PDE1A: variants seen among roughly 807,000 people sequenced by gnomAD.
PDE1A encodes dual specificity calcium/calmodulin-dependent 3',5'-cyclic nucleotide phosphodiesterase 1A.
PDE1A carries 35 observed loss-of-function variants against 61.7 expected under a neutral mutation model. That is an observed-to-expected ratio of 0.57 (90% CI 0.43 to 0.75). The LOEUF (loss-of-function observed/expected upper bound fraction) is 0.75, where lower values mean the gene tolerates loss of function less well. Among genes scored for constraint, PDE1A ranks in the 30% least tolerant of loss-of-function variants. The pLI, the probability that PDE1A is intolerant of heterozygous loss-of-function variation, is 0.00. For synonymous variants in PDE1A, 232 were observed against 213.2 expected (o/e 1.09, Z -0.77); for missense variants, 597 against 630.6 (o/e 0.95, Z 0.57).
chr2:182,303,617 A>T (rs911848862), intron 1 of PDE1A, among the ~76,000 whole-genome samples: 5 of 152,188 alleles, frequency 3.3e-5, no homozygotes, highest in African/African-American at 4.8e-5. Context: ...CACCAGCTGC[A>T]TTAGCCCCTA....
intron 1 of PDE1A, among the ~76,000 whole-genome samples, chr2:182,326,413 T>C (rs1034693552): frequency 1.4e-4 from 21 of 152,194 alleles, no homozygotes; most frequent in Non-Finnish European, 1.2e-4. Flanking sequence ...TGGTATATGT[T>C]ACAACATAGA....
the PDE1A span, among the ~76,000 whole-genome samples, chr2:182,550,592 T>C: frequency 1.3e-5 from 2 of 152,226 alleles, no homozygotes; most frequent in African/African-American, 2.4e-5. Flanking sequence ...ATTACGACGC[T>C]CCAGTCACAC....
chr2:182,428,840 C>A (rs888378887), upstream of PDE1A, among the ~76,000 whole-genome samples: 5 of 152,032 alleles, frequency 3.3e-5, no homozygotes, highest in Non-Finnish European at 7.4e-5. Flanking sequence ...AATTAACTTT[C>A]ATTTTGTCTT....
At chr2:182,430,726 GA>G (rs1251510263), upstream of PDE1A, among the ~76,000 whole-genome samples, 1 of 136,750 alleles carries the variant, frequency 7.3e-6, no homozygotes, top group Non-Finnish European at 1.6e-5. Flanking sequence ...AACAATGATA[GA>G]CTGGATTAAG....
At chr2:182,336,619 CG>C (rs750547412) in intron 1 of PDE1A, among the ~76,000 whole-genome samples, 33 of 151,786 alleles carry the variant, frequency 2.2e-4, no homozygotes, top group South Asian at 2.1e-3. Flanking sequence ...GGCCTGTCAG[CG>C]GGTAGGGGGC....
intron 3 of PDE1A, among the ~76,000 whole-genome samples, chr2:182,238,082 C>T: frequency 6.6e-6 from 1 of 151,222 alleles, no homozygotes; most frequent in African/African-American, 2.4e-5. Context: ...TTCTGGCTAA[C>T]ACGCTGAAAC....
intron 1 of PDE1A, among the ~76,000 whole-genome samples, chr2:182,332,951 T>C (rs1697520885): frequency 6.6e-6 from 1 of 152,144 alleles, no homozygotes; most frequent in Admixed American, 6.5e-5. Flanking sequence ...ATAAACAGAC[T>C]TTAAGCCAAC....
chr2:182,432,852 G>C (rs1026880274), intron 2 of PDE1A, among the ~76,000 whole-genome samples: 3 of 151,992 alleles, frequency 2.0e-5, no homozygotes, highest in African/African-American at 7.2e-5. Context: ...TATGTCCCTT[G>C]TCTGTCTTGT....
At chr2:182,156,157 T>A (rs1272928511) in intron 13 of PDE1A, among the ~76,000 whole-genome samples, 1 of 152,210 alleles carries the variant, frequency 6.6e-6, no homozygotes, top group Admixed American at 6.5e-5. Context: ...GCTCAAATTA[T>A]CTAATCATAA....
chr2:182,593,281 A>G, the PDE1A span, among the ~76,000 whole-genome samples: 2 of 152,226 alleles, frequency 1.3e-5, no homozygotes, highest in Non-Finnish European at 2.9e-5. Context: ...GGAATTTGGG[A>G]TCAAACCTAG....
At chr2:182,442,003 G>A (rs960440624) in intron 2 of PDE1A, among the ~76,000 whole-genome samples, 8 of 152,048 alleles carry the variant, frequency 5.3e-5, no homozygotes, top group African/African-American at 1.9e-4. Flanking sequence ...TAGAAAATCA[G>A]TGAATAGTAA....
In PDE1A at chr2:182,326,442, T is replaced by C. The variant is rs141161219; in HGVS notation, c.54-62028A>G. On this transcript the variant is annotated intron_variant, in intron 1 of 13. Transcript: ENST00000351439. Reference sequence around the variant, plus strand: ...ACATAGATAAACCTAGAAAATATTATGCTATGTAAAATAAGTTAGATGCAA... The same window carrying C: ...ACATAGATAAACCTAGAAAATATTACGCTATGTAAAATAAGTTAGATGCAA... Among the ~76,000 whole-genome samples the C allele has an allele frequency of 5.8e-4, 89 of 152,350 alleles. 1 individual carries two copies. The highest frequency in any genetic ancestry group is 1.9e-3 in the South Asian group (9 of 4,832).
chr2:182,279,451 C>G (rs1028318894), intron 1 of PDE1A, among the ~76,000 whole-genome samples: 29 of 151,866 alleles, frequency 1.9e-4, no homozygotes, highest in Non-Finnish European at 3.4e-4. Context: ...ATTCATGGAC[C>G]AGATTTTTAA....
At chr2:182,647,176 A>T in the PDE1A span, among the ~76,000 whole-genome samples, 3 of 152,196 alleles carry the variant, frequency 2.0e-5, no homozygotes, top group Non-Finnish European at 4.4e-5. Flanking sequence ...CTCCAAAATG[A>T]CTTCACCCCA....
the PDE1A span, among the ~76,000 whole-genome samples, chr2:182,696,361 C>T: frequency 6.6e-6 from 1 of 152,026 alleles, no homozygotes; most frequent in African/African-American, 2.4e-5. Context: ...GAAGGCATTC[C>T]GTAAAGATAA....
the PDE1A span, among the ~76,000 whole-genome samples, chr2:182,602,095 G>T: frequency 1.3e-5 from 2 of 152,196 alleles, no homozygotes; most frequent in South Asian, 2.1e-4. Flanking sequence ...CCCCAACTTT[G>T]CTCCAAGATG....
chr2:182,218,419 TAAA>T (rs531189742), intron 7 of PDE1A, among the ~76,000 whole-genome samples: 3 of 68,158 alleles, frequency 4.4e-5, no homozygotes, highest in Non-Finnish European at 9.1e-5. Context: ...TAAAGTATAA[TAAA>T]AAATTAAAAA....
intron 1 of PDE1A, among the ~76,000 whole-genome samples, chr2:182,346,006 A>G (rs557665185): frequency 7.9e-5 from 12 of 152,352 alleles, no homozygotes; most frequent in Admixed American, 2.6e-4. Flanking sequence ...AGGGTATCAG[A>G]CACATATATA....
the PDE1A span, among the ~76,000 whole-genome samples, chr2:182,567,253 T>C: frequency 6.6e-6 from 1 of 152,270 alleles, no homozygotes; most frequent in South Asian, 2.1e-4. Context: ...TTGCTTCCAA[T>C]TGGATGACTG....
Sources: gnomAD v4.1 joint callset for allele counts (sites outside exome capture counted in the v4.1 genomes callset) on GRCh38, gnomAD v4.1.1 for gene constraint, MANE v1.5 for transcripts, NCBI Gene and HGNC (gene_info 2026-07-23, HGNC 2026-07-21) for gene names.